Variants in PITPNM3 observed in about 807,000 individuals in gnomAD.
PITPNM3 encodes the protein PITPNM family member 3.
PITPNM3 carries 26 observed loss-of-function variants against 102.0 expected under a neutral mutation model. That is an observed-to-expected ratio of 0.25 (90% CI 0.19 to 0.35). The LOEUF (loss-of-function observed/expected upper bound fraction) is 0.35, where lower values mean the gene tolerates loss of function less well. Among genes scored for constraint, PITPNM3 ranks in the 10% least tolerant of loss-of-function variants. The pLI, the probability that PITPNM3 is intolerant of heterozygous loss-of-function variation, is 1.00. For missense variants in PITPNM3, 1,083 were observed against 1,346.1 expected, an observed-to-expected ratio of 0.80 and a Z score of 3.06; for synonymous variants, 578 against 558.6, an observed-to-expected ratio of 1.03 and a Z score of -0.49.
chr17:6,457,719 A>C lies in PITPNM3; in HGVS notation c.2494T>G (p.Phe832Val). 6.3e-7 allele frequency: 1 copy of C among 1,584,002 alleles called. No individual in the cohort carries two copies. Among genetic ancestry groups the C allele is most frequent in the Non-Finnish European group, 8.6e-7 (1 of 1,164,552 alleles). Residue 832 changes from phenylalanine (F) to valine (V), a missense_variant, in exon 19 of 20, where the codon TTC (phenylalanine) becomes GTC (valine). Phe to Val is a conservative substitution (Grantham distance 50). Transcript: ENST00000262483. This position sits in a 1 kb window ranked among gnomAD's most constrained non-coding sequence, Gnocchi z 4.7. The stretch of plus-strand genomic sequence containing the variant: ...CCATAGGCCGCACTGATTTTGATGA[A>C]GCACTGAAACACAGGGCAGGCATAG... The part of the protein sequence containing the change: ...IFLRNLMQEC[F>V]IKISAAYGST...
rs545689503 is a variant in PITPNM3 at position 6,463,491 on chromosome 17, A to G, written c.2306+241T>C. The stretch of plus-strand genomic sequence containing the variant: ...AAAGGAAGGAATTGAGGGAGGGAGG[A>G]AGGAAGTGAGGGAGGGAGGGAGAGA... On this transcript the variant is annotated intron_variant, in intron 17 of 19. Transcript: ENST00000262483. 8.2e-3 allele frequency among the ~76,000 whole-genome samples: 775 copies of G among 94,932 alleles called. 6 individuals are homozygous for G. The highest frequency in any genetic ancestry group is 0.023 in the African/African-American group (722 of 31,412). 62.3% of individuals were successfully genotyped at this position (94,932 alleles called of 152,430 possible). A position where few individuals can be genotyped will look rare whatever the true frequency, so the allele number is the denominator to read the frequency against.
At chr17:6,502,309 C>T (rs1026990740) in intron 4 of PITPNM3, among the ~76,000 whole-genome samples, 21 of 152,208 alleles carry the variant, frequency 1.4e-4, no homozygotes, top group East Asian at 1.9e-4. Flanking sequence ...AAAAATTACC[C>T]GGGCATGGTG....
chr17:6,552,752 C>CTTTCTT, intron 1 of PITPNM3, among the ~76,000 whole-genome samples: 1 of 147,612 alleles, frequency 6.8e-6, no homozygotes, highest in African/African-American at 2.5e-5. Flanking sequence ...CCCTGGCCAC[C>CTTTCTT]TTTCTTTTTC....
At position 6,538,029 on chromosome 17, in the gene PITPNM3, C is replaced by T; in HGVS notation, c.76G>A (p.Asp26Asn). Reference sequence around the variant, plus strand: ...TCATCATCTGAGCTCTCCACAGAGTCACTGAGGACATTTCGAAGGTGCCAG... The same window carrying T: ...TCATCATCTGAGCTCTCCACAGAGTTACTGAGGACATTTCGAAGGTGCCAG... ...APWHLRNVLS[D>N]SVESSDDEFF... is the part of the protein sequence containing the mutation. Residue 26 changes from aspartate (D) to asparagine (N), a missense_variant, in exon 2 of 20, where the codon GAC (aspartate) becomes AAC (asparagine). Asp to Asn is a conservative substitution (Grantham distance 23). This residue lies in a region of PITPNM3 where 290 missense variants were observed against 337.8 expected (regional missense o/e 0.86). Coordinates refer to ENST00000262483, the MANE Select transcript of PITPNM3 (RefSeq NM_031220.4). 6.2e-7 allele frequency: 1 copy of T among 1,613,994 alleles called. No homozygotes were observed. Among genetic ancestry groups the T allele is most frequent in the Non-Finnish European group, 8.5e-7 (1 of 1,179,904 alleles).
intron 4 of PITPNM3, among the ~76,000 whole-genome samples, chr17:6,500,082 CA>C (rs1264143117): frequency 2.0e-5 from 3 of 152,146 alleles, no homozygotes; most frequent in African/African-American, 7.2e-5. Context: ...TGAGAGACAT[CA>C]AGTAACTTGT....
rs1230279504 is a variant in PITPNM3 at position 6,469,937 on chromosome 17, G to A, written c.1773+323C>T. ...GCTATACCTTCTGTTTTGCAGACGA[G>A]GACATTGAGACTCAGTGGGGAGTGG... is the stretch of plus-strand genomic sequence containing the variant. On this transcript the variant is annotated intron_variant, in intron 13 of 19. Transcript: ENST00000262483. The surrounding 1 kb of genome is among the most constrained non-coding windows in gnomAD (Gnocchi z 4.0). Among the ~76,000 whole-genome samples, 3 of 152,140 alleles carry A rather than the reference G, an allele frequency of 2.0e-5. No individual in the cohort carries two copies. Among genetic ancestry groups the A allele is most frequent in the Non-Finnish European group, 2.9e-5 (2 of 68,032 alleles).
intron 3 of PITPNM3, among the ~76,000 whole-genome samples, chr17:6,512,974 T>G (rs12947074): frequency 0.32 from 48,484 of 151,860 alleles, 9,212 homozygotes; most frequent in Middle Eastern, 0.53. Flanking sequence ...ATCCCAGGAA[T>G]GCAAAGTTAT....
rs959788618 is a variant in PITPNM3, at chr17:6,454,469, G to A, written c.*869C>T. 6.6e-6 allele frequency: 1 copy of A among 152,268 alleles called. No homozygotes were observed. The highest frequency in any genetic ancestry group is 1.5e-5 in the Non-Finnish European group (1 of 68,110). The allele number at this position is 152,268 out of a possible 1,614,324, so 9.4% of individuals were successfully genotyped here. The stretch of plus-strand genomic sequence containing the variant: ...AGAGCCTCAATGGGCCAAACTGCAG[G>A]ACATCTTGGGAGTCAAAGACTCACA... On this transcript the variant is annotated 3_prime_UTR_variant, in exon 20 of 20. Transcript: ENST00000262483.
Position 6,457,483 on chromosome 17 carries a change from C to T in PITPNM3, c.2619+111G>A, listed in dbSNP as rs545548533. On this transcript the variant is annotated intron_variant, in intron 19 of 19. Coordinates refer to ENST00000262483, the MANE Select transcript of PITPNM3 (RefSeq NM_031220.4). The surrounding 1 kb of genome is among the most constrained non-coding windows in gnomAD (Gnocchi z 4.7). ...AGTGTTTGTTGAATAAATGAATGAG[C>T]AAATGGGGGAATGAACAAATGAATG... 1 of 1,535,280 alleles carries T rather than the reference C, an allele frequency of 6.5e-7. No individual in the cohort carries two copies. Among genetic ancestry groups the T allele is most frequent in the African/African-American group, 1.4e-5 (1 of 73,412 alleles).
At chr17:6,515,397 CAAAA>C (rs61420968) in intron 3 of PITPNM3, among the ~76,000 whole-genome samples, 5 of 82,210 alleles carry the variant, frequency 6.1e-5, no homozygotes, top group Admixed American at 4.2e-4. Context: ...GACTCCATCT[CAAAA>C]AAAAAAAAAA....
At chr17:6,501,424 A>G (rs1185024872) in intron 4 of PITPNM3, among the ~76,000 whole-genome samples, 1 of 152,108 alleles carries the variant, frequency 6.6e-6, no homozygotes, top group Admixed American at 6.5e-5. Flanking sequence ...GCCCAAACCC[A>G]TATCCCCAAC....
chr17:6,468,272 T>C lies in PITPNM3; in HGVS notation c.1843A>G (p.Asn615Asp). ...RLDPAALSPA[N>D]PREKWLRKRT... is the part of the protein sequence containing the mutation. ...TTACGAAGCCACTTCTCCCGGGGGT[T>C]GGCAGGACTCAGTGCTGCAGGGTCC... Residue 615 changes from asparagine to aspartate, a missense_variant, in exon 14 of 20, where the codon AAC becomes GAC. Physicochemically the swap from Asn to Asp is conservative, Grantham distance 23. This residue lies in a region of PITPNM3 where 410 missense variants were observed against 638.4 expected (regional missense o/e 0.64). Coordinates refer to ENST00000262483, the MANE Select transcript of PITPNM3 (RefSeq NM_031220.4). This position sits in a 1 kb window ranked among gnomAD's most constrained non-coding sequence, Gnocchi z 5.2. 6.2e-7 allele frequency: 1 copy of C among 1,613,902 alleles called. No homozygotes were observed. Among genetic ancestry groups the C allele is most frequent in the Non-Finnish European group, 8.5e-7 (1 of 1,180,020 alleles).
intron 1 of PITPNM3, among the ~76,000 whole-genome samples, chr17:6,550,719 G>A (rs1910257450): frequency 6.6e-6 from 1 of 152,226 alleles, no homozygotes; most frequent in Non-Finnish European, 1.5e-5. Context: ...CATGGCCCAG[G>A]CAAGTGGCTG....
At chr17:6,463,699 G>A (rs918653964) in intron 17 of PITPNM3, 33 bp downstream of exon 17, 1 of 1,607,204 alleles carries the variant, frequency 6.2e-7, no homozygotes, top group African/African-American at 1.3e-5. Context: ...TGCCCCCCAG[G>A]GAGATATAGC....
At chr17:6,487,540 TGG>T (rs1380478572) in intron 4 of PITPNM3, among the ~76,000 whole-genome samples, 1 of 152,202 alleles carries the variant, frequency 6.6e-6, no homozygotes, top group African/African-American at 2.4e-5. Flanking sequence ...CTTGCTGGGC[TGG>T]GCGCCTGTTT....
Position 6,516,891 on chromosome 17 carries a change from A to C in PITPNM3, c.226+8465T>G, listed in dbSNP as rs1269295392. On this transcript the variant is annotated intron_variant, in intron 3 of 19. Coordinates refer to ENST00000262483, the MANE Select transcript of PITPNM3 (RefSeq NM_031220.4). ...TTAAAAAAAGAAAGAAAGAAAAAAAAATTTAAAAACGTAAATCTTCAGGAA... is the reference window on the plus strand; with the variant it reads ...TTAAAAAAAGAAAGAAAGAAAAAAACATTTAAAAACGTAAATCTTCAGGAA... 4.6e-5 allele frequency among the ~76,000 whole-genome samples: 7 copies of C among 152,100 alleles called. No individual in the cohort carries two copies. The East Asian group carries it at 1.4e-3, about 29-fold the overall frequency.
chr17:6,504,387 A>C (rs1032487515), intron 3 of PITPNM3, among the ~76,000 whole-genome samples: 1 of 152,100 alleles, frequency 6.6e-6, no homozygotes, highest in Non-Finnish European at 1.5e-5. Context: ...TGTTCATCAG[A>C]ATGAACTTCT....
chr17:6,556,423 T>C lies in PITPNM3; in HGVS notation c.-17A>G. On this transcript the variant is annotated 5_prime_UTR_variant, in exon 1 of 20. Transcript: ENST00000262483. This position sits in a 1 kb window ranked among gnomAD's most constrained non-coding sequence, Gnocchi z 5.2. ...CTTGGCCATGTCCCGGGCGGCGGGCTCCGGCGGCGCTACGCGCGCTCCTCG... is the reference window on the plus strand; with the variant it reads ...CTTGGCCATGTCCCGGGCGGCGGGCCCCGGCGGCGCTACGCGCGCTCCTCG... The C allele has an allele frequency of 2.4e-6, 3 of 1,270,208 alleles. No individual in the cohort carries two copies. Among genetic ancestry groups the C allele is most frequent in the East Asian group, 6.9e-5 (2 of 28,988 alleles). The allele number at this position is 1,270,208 out of a possible 1,614,324, so 78.7% of individuals were successfully genotyped here.
At chr17:6,467,501 T>A (rs567490193) in intron 14 of PITPNM3, among the ~76,000 whole-genome samples, 3 of 152,238 alleles carry the variant, frequency 2.0e-5, no homozygotes, top group Admixed American at 1.3e-4. Context: ...TTATAGAATA[T>A]GTGGATTTTA....
Sources: allele counts gnomAD v4.1 joint callset (sites outside exome capture counted in the v4.1 genomes callset), GRCh38; gene constraint gnomAD v4.1.1; regional missense constraint gnomAD v4.1.1; non-coding constraint Gnocchi (gnomAD v3.1); transcripts MANE v1.5; gene names NCBI Gene and HGNC (gene_info 2026-07-23, HGNC 2026-07-21).